The following PPARGC1A variants were observed in gnomAD, a reference collection of about 807,000 sequenced individuals.
PPARGC1A encodes the protein PPARG coactivator 1 alpha.
PPARGC1A carries 25 observed loss-of-function variants against 88.7 expected under a neutral mutation model. That is an observed-to-expected ratio of 0.28 (90% CI 0.21 to 0.39). The LOEUF is 0.39. Ranked by LOEUF, PPARGC1A falls within the 10% of genes least tolerant of loss-of-function variation. PPARGC1A has a pLI of 1.00. For missense variants in PPARGC1A, 880 were observed against 968.7 expected (o/e 0.91, Z 1.22); for synonymous variants, 363 against 355.6 (o/e 1.02, Z -0.24).
the PPARGC1A span, among the ~76,000 whole-genome samples, chr4:24,218,746 G>T: frequency 6.6e-6 from 1 of 152,188 alleles, no homozygotes; most frequent in Non-Finnish European, 1.5e-5. Flanking sequence ...TCCTCTTCAG[G>T]AGGTGGTTTA....
chr4:24,064,520 T>C, the PPARGC1A span, among the ~76,000 whole-genome samples: 1 of 151,988 alleles, frequency 6.6e-6, no homozygotes, highest in Non-Finnish European at 1.5e-5. Flanking sequence ...GGAGCCTGGG[T>C]TGGGAGAAGA....
At chr4:24,020,391 T>C in the PPARGC1A span, among the ~76,000 whole-genome samples, 1 of 152,338 alleles carries the variant, frequency 6.6e-6, no homozygotes, top group South Asian at 2.1e-4. Context: ...GGACAATTAA[T>C]ATTGACTGTA....
the PPARGC1A span, among the ~76,000 whole-genome samples, chr4:24,145,500 T>G: frequency 2.0e-5 from 3 of 152,230 alleles, no homozygotes; most frequent in Non-Finnish European, 4.4e-5. Context: ...ATTGCTGAGT[T>G]GTTTCTTTTT....
the PPARGC1A span, among the ~76,000 whole-genome samples, chr4:24,328,648 A>G: frequency 2.0e-5 from 3 of 152,228 alleles, no homozygotes; most frequent in Non-Finnish European, 4.4e-5. Context: ...CAACACTGGC[A>G]CTAAACAGTG....
At chr4:23,873,595 G>C (rs1714041346) in intron 2 of PPARGC1A, among the ~76,000 whole-genome samples, 1 of 140,628 alleles carries the variant, frequency 7.1e-6, no homozygotes, top group Non-Finnish European at 1.6e-5. Context: ...TGCAAATTTG[G>C]TTCAATAATT....
At chr4:24,326,969 T>C in the PPARGC1A span, among the ~76,000 whole-genome samples, 1 of 152,204 alleles carries the variant, frequency 6.6e-6, no homozygotes, top group Non-Finnish European at 1.5e-5. Context: ...GCTTCCCACC[T>C]CTATACAGTC....
At chr4:24,133,130 T>C in the PPARGC1A span, among the ~76,000 whole-genome samples, 2 of 152,206 alleles carry the variant, frequency 1.3e-5, no homozygotes, top group Non-Finnish European at 2.9e-5. Flanking sequence ...TTCAGCTTGG[T>C]GGGTTTTGAG....
the PPARGC1A span, among the ~76,000 whole-genome samples, chr4:24,146,402 G>A: frequency 6.6e-6 from 1 of 152,228 alleles, no homozygotes; most frequent in Non-Finnish European, 1.5e-5. Flanking sequence ...ACTCGGTAAA[G>A]TGAGAATCAA....
chr4:24,386,603 C>T, the PPARGC1A span, among the ~76,000 whole-genome samples: 1 of 152,126 alleles, frequency 6.6e-6, no homozygotes, highest in African/African-American at 2.4e-5. Context: ...CAATAATAGA[C>T]AAACAGAGAG....
chr4:24,183,990 A>G, the PPARGC1A span, among the ~76,000 whole-genome samples: 1 of 152,232 alleles, frequency 6.6e-6, no homozygotes. Flanking sequence ...TTCTTTTGCT[A>G]CATTCCTGAA....
chr4:24,050,453 C>G, the PPARGC1A span, among the ~76,000 whole-genome samples: 1 of 152,032 alleles, frequency 6.6e-6, no homozygotes, highest in African/African-American at 2.4e-5. Context: ...ACCTCAGCCT[C>G]CCAAAGTGCT....
At chr4:23,804,280 GA>G (rs944862351) in intron 10 of PPARGC1A, among the ~76,000 whole-genome samples, 11 of 152,142 alleles carry the variant, frequency 7.2e-5, no homozygotes, top group Non-Finnish European at 1.3e-4. Flanking sequence ...ATTTAGGACA[GA>G]AATTTAACTA....
chr4:24,155,960 T>C, the PPARGC1A span, among the ~76,000 whole-genome samples: 1 of 152,186 alleles, frequency 6.6e-6, no homozygotes, highest in African/African-American at 2.4e-5. Context: ...TAGACCCCTA[T>C]ACCCAGCTGT....
chr4:24,222,462 G>A, the PPARGC1A span, among the ~76,000 whole-genome samples: 4 of 152,154 alleles, frequency 2.6e-5, no homozygotes, highest in Admixed American at 2.0e-4. Flanking sequence ...ATGAGCTAAC[G>A]TATACAAAGT....
At chr4:23,814,638 AGAG>A in intron 7 of PPARGC1A, 33 bp from the exon 8 acceptor site, 2 of 1,392,800 alleles carry the variant, frequency 1.4e-6, no homozygotes, top group South Asian at 1.5e-5. Flanking sequence ...AAAAAAAAAG[AGAG>A]AGAAAGAAAA....
At chr4:23,884,388 T>C (rs781689265) in intron 2 of PPARGC1A, 20 of 291,016 alleles carry the variant, frequency 6.9e-5, no homozygotes, top group Non-Finnish European at 1.1e-4. Context: ...TTAATTTATA[T>C]GAGGTACCAT....
chr4:24,183,152 C>T, the PPARGC1A span, among the ~76,000 whole-genome samples: 7 of 152,198 alleles, frequency 4.6e-5, no homozygotes, highest in African/African-American at 1.7e-4. Flanking sequence ...ATCAGAGTGC[C>T]TGGCACATGG....
chr4:24,339,210 GTGTA>G, the PPARGC1A span, among the ~76,000 whole-genome samples: 4,125 of 110,388 alleles, frequency 0.037, 62 homozygotes, highest in Non-Finnish European at 0.037. Flanking sequence ...GTGTGTGTGT[GTGTA>G]TATATATATA....
chr4:24,231,919 T>C, the PPARGC1A span, among the ~76,000 whole-genome samples: 3 of 152,064 alleles, frequency 2.0e-5, no homozygotes, highest in East Asian at 1.9e-4. Flanking sequence ...GCAAAGAAAA[T>C]AGACTAGTAT....
Sources: gnomAD v4.1 joint callset for allele counts (sites outside exome capture counted in the v4.1 genomes callset) on GRCh38, gnomAD v4.1.1 for gene constraint, MANE v1.5 for transcripts, NCBI Gene and HGNC (gene_info 2026-07-23, HGNC 2026-07-21) for gene names.